The following ZBTB44 variants were observed in gnomAD, a reference collection of about 807,000 sequenced individuals.
The protein encoded by ZBTB44 is zinc finger and BTB domain containing 44, also known as zinc finger and BTB domain-containing protein 44.
ZBTB44 carries 15 observed loss-of-function variants against 54.0 expected under a neutral mutation model. The observed-to-expected ratio is 0.28, with a 90% CI of 0.19 to 0.43. The LOEUF (loss-of-function observed/expected upper bound fraction) is 0.43, where lower values mean the gene tolerates loss of function less well. Among genes scored for constraint, ZBTB44 ranks in the 20% least tolerant of loss-of-function variants. ZBTB44 has a pLI of 1.00. For synonymous variants in ZBTB44, 230 were observed against 250.1 expected, an observed-to-expected ratio of 0.92 and a Z score of 0.76; for missense variants, 487 against 707.1, an observed-to-expected ratio of 0.69 and a Z score of 3.53.
intron 1 of ZBTB44, among the ~76,000 whole-genome samples, chr11:130,289,728 C>A (rs372657266): frequency 6.6e-6 from 1 of 152,232 alleles, no homozygotes; most frequent in East Asian, 1.9e-4. Context: ...AAAGCAAGAA[C>A]GTATGTCCTC....
At chr11:130,237,207 A>G in intron 4 of ZBTB44, 114 bp from the exon 5 acceptor site, 8 of 1,058,948 alleles carry the variant, frequency 7.6e-6, no homozygotes, top group Non-Finnish European at 8.7e-6. Context: ...AAAGGCAAGA[A>G]TTACCAGCAA....
chr11:130,288,574 T>G (rs1005232351), intron 1 of ZBTB44, among the ~76,000 whole-genome samples: 6 of 151,898 alleles, frequency 4.0e-5, no homozygotes, highest in African/African-American at 1.5e-4. Flanking sequence ...TCAGACTACA[T>G]TAACCACTGC....
chr11:130,307,454 G>A (rs555397352), intron 1 of ZBTB44, among the ~76,000 whole-genome samples: 1 of 150,464 alleles, frequency 6.6e-6, no homozygotes, highest in Admixed American at 6.6e-5. Flanking sequence ...TACTGTTATT[G>A]TTTTATCACA....
At chr11:130,253,810 C>G (rs1938218087) in intron 2 of ZBTB44, among the ~76,000 whole-genome samples, 1 of 152,196 alleles carries the variant, frequency 6.6e-6, no homozygotes, top group Non-Finnish European at 1.5e-5. Flanking sequence ...CACTACCTGA[C>G]TTCAAGCTAT....
rs77174590 is a variant in ZBTB44 at position 130,281,082 on chromosome 11, G to A, written c.-56-19153C>T. Among the ~76,000 whole-genome samples, 59 of 152,198 alleles carry A rather than the reference G, an allele frequency of 3.9e-4. No individual in the cohort carries two copies. The East Asian group carries it at 9.7e-3, about 25-fold the overall frequency. ...CAAGACACAAGGGAAGCTATAAAAC[G>A]TTAAAATGAACAAAAATGAAACACA... is the stretch of plus-strand genomic sequence containing the variant. On this transcript the variant is annotated intron_variant, in intron 1 of 7. Coordinates refer to ENST00000357899, the MANE Select transcript of ZBTB44 (RefSeq NM_001301098.2).
chr11:130,299,174 A>G (rs1309483069), intron 1 of ZBTB44, among the ~76,000 whole-genome samples: 1 of 152,212 alleles, frequency 6.6e-6, no homozygotes, highest in African/African-American at 2.4e-5. Flanking sequence ...GCAAAGTGGT[A>G]TGTTCACCAA....
At chr11:130,296,228 T>G in intron 1 of ZBTB44, 1 of 1,301,580 alleles carries the variant, frequency 7.7e-7, no homozygotes, top group South Asian at 1.3e-5. Flanking sequence ...ATGATAAAGC[T>G]AATACAACAG....
intron 2 of ZBTB44, among the ~76,000 whole-genome samples, chr11:130,253,452 G>A (rs1016214293): frequency 3.3e-5 from 5 of 152,140 alleles, no homozygotes; most frequent in African/African-American, 9.7e-5. Flanking sequence ...CAAATCATGA[G>A]TGAACTCCTG....
chr11:130,258,907 A>G (rs1277584384), intron 2 of ZBTB44, among the ~76,000 whole-genome samples: 1 of 152,184 alleles, frequency 6.6e-6, no homozygotes, highest in East Asian at 1.9e-4. Context: ...ACACTTTGTG[A>G]TAAAAAATCA....
chr11:130,271,614 G>T (rs10894187), intron 1 of ZBTB44, among the ~76,000 whole-genome samples: 14,753 of 152,146 alleles, frequency 0.097, 1,904 homozygotes, highest in African/African-American at 0.3. Context: ...TAATGTGGAC[G>T]TTTGGGGCTC....
chr11:130,312,400 A>G (rs1341007963), intron 1 of ZBTB44, among the ~76,000 whole-genome samples: 1 of 152,202 alleles, frequency 6.6e-6, no homozygotes, highest in Non-Finnish European at 1.5e-5. Flanking sequence ...TGTGCCTCCT[A>G]TATTATGCAA....
chr11:130,299,897 T>C (rs553468513), intron 1 of ZBTB44, among the ~76,000 whole-genome samples: 2 of 152,258 alleles, frequency 1.3e-5, no homozygotes, highest in African/African-American at 4.8e-5. Context: ...AGCCAAAAGG[T>C]AGAAGCAACC....
At chr11:130,281,118 T>C in intron 1 of ZBTB44, among the ~76,000 whole-genome samples, 1 of 152,190 alleles carries the variant, frequency 6.6e-6, no homozygotes, top group East Asian at 1.9e-4. Context: ...TCTACATTTA[T>C]GGAATGCAGC....
chr11:130,308,300 T>C (rs550086285), intron 1 of ZBTB44, among the ~76,000 whole-genome samples: 33 of 152,334 alleles, frequency 2.2e-4, no homozygotes, highest in African/African-American at 7.9e-4. Flanking sequence ...ATCTCTGAGG[T>C]TGTTACAGCA....
At chr11:130,245,865 T>C (rs1181907255) in intron 2 of ZBTB44, among the ~76,000 whole-genome samples, 2 of 152,206 alleles carry the variant, frequency 1.3e-5, no homozygotes, top group Non-Finnish European at 2.9e-5. Context: ...AAGGTTTGTT[T>C]AAAAAGCTGG....
intron 2 of ZBTB44, among the ~76,000 whole-genome samples, chr11:130,255,919 A>AAAATC (rs1555167098): frequency 7.6e-6 from 1 of 131,396 alleles, no homozygotes; most frequent in African/African-American, 2.9e-5. Context: ...AAAAAAAAAA[A>AAAATC]AACACCCCTT....
intron 1 of ZBTB44, among the ~76,000 whole-genome samples, chr11:130,278,275 T>TAACACA (rs1295785787): frequency 4.6e-5 from 7 of 152,210 alleles, no homozygotes; most frequent in Non-Finnish European, 7.3e-5. Context: ...CAAAATAACC[T>TAACACA]AACACAAAGT....
intron 1 of ZBTB44, among the ~76,000 whole-genome samples, chr11:130,273,741 G>T (rs900442181): frequency 6.6e-6 from 1 of 152,020 alleles, no homozygotes; most frequent in Middle Eastern, 3.2e-3. Flanking sequence ...AATTCCTTAC[G>T]ATTTTCTATA....
chr11:130,264,325 G>A (rs1025335592), intron 1 of ZBTB44, among the ~76,000 whole-genome samples: 2 of 152,136 alleles, frequency 1.3e-5, no homozygotes, highest in African/African-American at 4.8e-5. Flanking sequence ...ATGAAGAGAA[G>A]TGAAAGAAGA....
Sources: gnomAD v4.1 joint callset for allele counts (sites outside exome capture counted in the v4.1 genomes callset) on GRCh38, gnomAD v4.1.1 for gene constraint, MANE v1.5 for transcripts, NCBI Gene and HGNC (gene_info 2026-07-23, HGNC 2026-07-21) for gene names.